SACM1L: variants seen among roughly 807,000 people sequenced by gnomAD.
SACM1L encodes phosphatidylinositol-3-phosphatase SAC1.
SACM1L carries 32 observed loss-of-function variants against 89.5 expected under a neutral mutation model. That is an observed-to-expected ratio of 0.36 (90% CI 0.27 to 0.48). SACM1L has a LOEUF of 0.48. Ranked by LOEUF, SACM1L falls within the 20% of genes least tolerant of loss-of-function variation. The pLI is 0.99. For missense variants in SACM1L, 543 were observed against 708.5 expected, an observed-to-expected ratio of 0.77 and a Z score of 2.65; for synonymous variants, 213 against 232.8, an observed-to-expected ratio of 0.92 and a Z score of 0.77.
At chr3:45,712,716 G>A (rs1029317390) in intron 5 of SACM1L, among the ~76,000 whole-genome samples, 1 of 152,190 alleles carries the variant, frequency 6.6e-6, no homozygotes, top group African/African-American at 2.4e-5. Flanking sequence ...TGAGCAGATA[G>A]GAGACAGGAC....
intron 5 of SACM1L, among the ~76,000 whole-genome samples, chr3:45,712,514 G>T (rs1442451171): frequency 2.0e-5 from 3 of 152,198 alleles, no homozygotes; most frequent in Admixed American, 2.0e-4. Context: ...GGGATTATAG[G>T]CATGAGCCAC....
chr3:45,721,383 G>A (rs536743731), intron 8 of SACM1L, among the ~76,000 whole-genome samples: 129 of 152,306 alleles, frequency 8.5e-4, no homozygotes, highest in African/African-American at 3.0e-3. Context: ...TTAGCTGGGC[G>A]TGGTGGCGCA....
intron 5 of SACM1L, among the ~76,000 whole-genome samples, chr3:45,712,068 G>A (rs940854752): frequency 2.0e-5 from 3 of 152,102 alleles, no homozygotes; most frequent in Admixed American, 6.5e-5. Context: ...ATAATAATAA[G>A]TATGACTGGT....
intron 13 of SACM1L, among the ~76,000 whole-genome samples, chr3:45,733,148 AAAG>A (rs1307599527): frequency 3.3e-5 from 5 of 152,178 alleles, no homozygotes; most frequent in African/African-American, 9.6e-5. Flanking sequence ...AGAGTGTAAG[AAAG>A]AAGGAGAGTT....
chr3:45,707,528 A>G (rs1448537829), intron 4 of SACM1L, among the ~76,000 whole-genome samples: 2 of 152,214 alleles, frequency 1.3e-5, no homozygotes, highest in East Asian at 3.8e-4. Flanking sequence ...AGAGAAATTG[A>G]AATTGAACAT....
At chr3:45,720,689 ATGT>A (rs1157341248) in intron 8 of SACM1L, among the ~76,000 whole-genome samples, 1 of 152,104 alleles carries the variant, frequency 6.6e-6, no homozygotes, top group Non-Finnish European at 1.5e-5. Flanking sequence ...AAATAATTGG[ATGT>A]TGTTCCTTAG....
In SACM1L at chr3:45,745,068, TAAA is replaced by T. The variant is rs1699397214; in HGVS notation, c.*1401_*1403del. The T allele has an allele frequency of 6.6e-6, 1 of 152,240 alleles. No individual in the cohort carries two copies. Among genetic ancestry groups the T allele is most frequent in the Non-Finnish European group, 1.5e-5 (1 of 68,034 alleles). The allele number at this position is 152,240 out of a possible 1,614,324, so 9.4% of individuals were successfully genotyped here. On this transcript the variant is annotated 3_prime_UTR_variant, in exon 20 of 20. Coordinates refer to ENST00000389061, the MANE Select transcript of SACM1L (RefSeq NM_014016.5). The stretch of plus-strand genomic sequence containing the variant: ...AATAGCTGGAAAACCCTCTGTAGTT[TAAA>T]ATCAGTCATTAAACTCACAATAGGG...
intron 10 of SACM1L, 85 bp downstream of exon 10, chr3:45,723,040 C>A: frequency 8.7e-7 from 1 of 1,150,424 alleles, no homozygotes; most frequent in Non-Finnish European, 1.3e-6. Context: ...GTATTTATTC[C>A]GCATAAATCA....
At position 45,722,057 on chromosome 3, in the gene SACM1L, A is replaced by G. The variant is rs762241153; in HGVS notation, c.737A>G (p.Tyr246Cys). The G allele has an allele frequency of 1.9e-6, 3 of 1,612,460 alleles. No homozygotes were observed. The highest frequency in any genetic ancestry group is 8.5e-7 in the Non-Finnish European group (1 of 1,179,120). Reference protein sequence around the residue: ...NFVETEQIVHYNGSKASFVQT... With the variant: ...NFVETEQIVHCNGSKASFVQT... ...GTAGAAACAGAACAAATTGTGCACTACAATGGGAGCAAAGCTTCGTTTGTA... is the reference window on the plus strand; with the variant it reads ...GTAGAAACAGAACAAATTGTGCACTGCAATGGGAGCAAAGCTTCGTTTGTA... The change falls in exon 9 of 20, where the codon TAC (tyrosine) becomes TGC (cysteine). Residue 246 changes from tyrosine (Y) to cysteine (C), a missense_variant. By Grantham distance (194) the Tyr-to-Cys change is radical. This residue lies in a region of SACM1L where 370 missense variants were observed against 527.6 expected (regional missense o/e 0.70). Coordinates refer to ENST00000389061, the MANE Select transcript of SACM1L (RefSeq NM_014016.5).
At position 45,735,379 on chromosome 3, in the gene SACM1L, A is replaced by T; in HGVS notation, c.1239+6A>T. ...CACTTCAGGCCCAACTTCAGGTGCG[A>T]ATGCTTTTTTTTTTTTTAATTGAAA... is the stretch of plus-strand genomic sequence containing the variant. On this transcript the variant is annotated splice_donor_region_variant and intron_variant, in intron 14 of 19. Transcript: ENST00000389061. 6.7e-7 allele frequency: 1 copy of T among 1,494,372 alleles called. No individual in the cohort carries two copies. The highest frequency in any genetic ancestry group is 8.9e-7 in the Non-Finnish European group (1 of 1,122,628). 92.6% of individuals were successfully genotyped at this position (1,494,372 alleles called of 1,614,324 possible). A position where few individuals can be genotyped will look rare whatever the true frequency, so the allele number is the denominator to read the frequency against.
intron 13 of SACM1L, 89 bp downstream of exon 13, chr3:45,732,240 G>C: frequency 1.5e-6 from 1 of 661,670 alleles, no homozygotes; most frequent in Non-Finnish European, 2.5e-6. Context: ...AGACTTACAA[G>C]TACAGTTCAC....
At chr3:45,741,695 A>G (rs1356178386) in intron 19 of SACM1L, among the ~76,000 whole-genome samples, 1 of 152,198 alleles carries the variant, frequency 6.6e-6, no homozygotes, top group Non-Finnish European at 1.5e-5. Context: ...AGTAGGGGGA[A>G]AGAAAGAGCC....
chr3:45,725,497 T>G lies in SACM1L; in HGVS notation c.921+1954T>G, dbSNP rs183783778. Among the ~76,000 whole-genome samples the G allele has an allele frequency of 8.4e-4, 128 of 152,250 alleles. 1 individual carries two copies. The highest frequency in any genetic ancestry group is 3.0e-3 in the African/African-American group (123 of 41,570). ...TGAAATTGTTTTTGTACTTTCCTTTTTGGATATTTCATTGTTAGTATATAG... is the reference window on the plus strand; with the variant it reads ...TGAAATTGTTTTTGTACTTTCCTTTGTGGATATTTCATTGTTAGTATATAG... On this transcript the variant is annotated intron_variant, in intron 11 of 19. Coordinates refer to ENST00000389061, the MANE Select transcript of SACM1L (RefSeq NM_014016.5).
chr3:45,739,724 G>T, intron 19 of SACM1L, 80 bp downstream of exon 19: 2 of 1,281,252 alleles, frequency 1.6e-6, no homozygotes, highest in South Asian at 2.4e-5. Flanking sequence ...TGAGTTCACC[G>T]AACACTTGAT....
At chr3:45,738,941 T>C in intron 18 of SACM1L, 68 bp downstream of exon 18, 1 of 947,762 alleles carries the variant, frequency 1.1e-6, no homozygotes, top group Non-Finnish European at 1.6e-6. Flanking sequence ...ATGGTTTCAG[T>C]CTCAATTTAA....
chr3:45,699,496 C>T (rs1255114397), intron 1 of SACM1L, among the ~76,000 whole-genome samples: 2 of 145,140 alleles, frequency 1.4e-5, no homozygotes, highest in African/African-American at 5.1e-5. Flanking sequence ...TTTTTAATTT[C>T]CTAGAATTAA....
rs774492809 is a variant in SACM1L, at chr3:45,737,624, A to C, written c.1281A>C (p.Gln427His). The change falls in exon 15 of 20, where the codon CAA becomes CAC. Residue 427 changes from glutamine to histidine, a missense_variant. Physicochemically the swap from Gln to His is conservative, Grantham distance 24 (BLOSUM62 0). Coordinates refer to ENST00000389061, the MANE Select transcript of SACM1L (RefSeq NM_014016.5). Reference protein sequence around the residue: ...VLHVGQKLEEQDEFEKIYKNA... With the variant: ...VLHVGQKLEEHDEFEKIYKNA... ...ATGTGGGACAAAAGCTTGAAGAACA[A>C]GATGAATTTGAGAAGATTTACAAAA... 1.9e-6 allele frequency: 3 copies of C among 1,593,770 alleles called. No individual in the cohort carries two copies. The highest frequency in any genetic ancestry group is 2.6e-6 in the Non-Finnish European group (3 of 1,175,402).
intron 8 of SACM1L, 59 bp downstream of exon 8, chr3:45,719,660 C>T (rs149948825): frequency 3.3e-4 from 300 of 911,610 alleles, no homozygotes; most frequent in Non-Finnish European, 4.6e-4. Flanking sequence ...TACGGTGACA[C>T]GAATGTAACC....
At chr3:45,694,138 G>A (rs1247242991) in intron 1 of SACM1L, among the ~76,000 whole-genome samples, 1 of 152,098 alleles carries the variant, frequency 6.6e-6, no homozygotes, top group Admixed American at 6.6e-5. Flanking sequence ...AGTTAGAGGT[G>A]CAAAATTATT....
Sources: allele counts gnomAD v4.1 joint callset (sites outside exome capture counted in the v4.1 genomes callset), GRCh38; gene constraint gnomAD v4.1.1; regional missense constraint gnomAD v4.1.1; transcripts MANE v1.5; gene names NCBI Gene and HGNC (gene_info 2026-07-23, HGNC 2026-07-21).